Variants in INPP5F observed in about 807,000 individuals in gnomAD.
INPP5F encodes phosphatidylinositide 4-phosphatase SAC2.
In INPP5F, 97 loss-of-function variants were observed where a neutral mutation model predicts 137.2. That is an observed-to-expected ratio of 0.71 (90% CI 0.60 to 0.84). The LOEUF is 0.84. INPP5F is among the 40% of genes least tolerant of loss of function. The probability of loss-of-function intolerance (pLI) is 0.00; values close to 1 mark genes in which losing one functional copy is unlikely to be tolerated. For missense variants in INPP5F, 1,271 were observed against 1,371.9 expected, an observed-to-expected ratio of 0.93 and a Z score of 1.16; for synonymous variants, 504 against 476.9, an observed-to-expected ratio of 1.06 and a Z score of -0.74.
At chr10:119,743,883 TAAGC>T (rs770791382) in intron 1 of INPP5F, among the ~76,000 whole-genome samples, 28 of 152,304 alleles carry the variant, frequency 1.8e-4, no homozygotes, top group Admixed American at 3.3e-4. Context: ...TACGTCCTGA[TAAGC>T]AGAGCAGTTC....
intron 19 of INPP5F, chr10:119,826,011 A>AAAAGACACTAATTGTTAAATGTCCC (rs1851743897): frequency 5.0e-6 from 2 of 398,410 alleles, no homozygotes; most frequent in Non-Finnish European, 4.4e-6. Flanking sequence ...CAAATCTTTT[A>AAAAGACACTAATTGTTAAATGTCCC]AAATCAGGTA....
Position 119,823,920 on chromosome 10 carries a change from C to G in INPP5F, c.2249+18C>G. On this transcript the variant is annotated intron_variant, in intron 19 of 19. Coordinates refer to ENST00000650623, the MANE Select transcript of INPP5F (RefSeq NM_014937.4). ...CTTGAGAGGTGAGTATACTGCTTCTCTCAAGAATAAAGGCATTCTTATCCA... is the reference window on the plus strand; with the variant it reads ...CTTGAGAGGTGAGTATACTGCTTCTGTCAAGAATAAAGGCATTCTTATCCA... 1 of 1,571,796 alleles carries G rather than the reference C, an allele frequency of 6.4e-7. No individual in the cohort carries two copies.
chr10:119,811,752 C>T lies in INPP5F; in HGVS notation c.1688-5C>T, dbSNP rs1424209907. 3.1e-6 allele frequency: 5 copies of T among 1,608,140 alleles called. No individual in the cohort carries two copies. The highest frequency in any genetic ancestry group is 4.3e-6 in the Non-Finnish European group (5 of 1,175,804). Reference sequence around the variant, plus strand: ...TGATGATAGATATTAACAATTCCACCCTAGATTTGATGCAAGGCATTCCAG... The same window carrying T: ...TGATGATAGATATTAACAATTCCACTCTAGATTTGATGCAAGGCATTCCAG... On this transcript the variant is annotated splice_region_variant and splice_polypyrimidine_tract_variant and intron_variant, in intron 14 of 19. Coordinates refer to ENST00000650623, the MANE Select transcript of INPP5F (RefSeq NM_014937.4).
chr10:119,801,406 T>A (rs1564840345), intron 9 of INPP5F, among the ~76,000 whole-genome samples: 2 of 152,242 alleles, frequency 1.3e-5, no homozygotes, highest in African/African-American at 4.8e-5. Flanking sequence ...TGAATGGGGA[T>A]ACACCCAACT....
Position 119,823,943 on chromosome 10 carries a change from C to T in INPP5F, c.2249+41C>T, listed in dbSNP as rs189479187. ...CTCTCAAGAATAAAGGCATTCTTAT[C>T]CAAGGTCTTATTTGTTTAAAATTAT... On this transcript the variant is annotated intron_variant, in intron 19 of 19. Coordinates refer to ENST00000650623, the MANE Select transcript of INPP5F (RefSeq NM_014937.4). The T allele has an allele frequency of 4.2e-6, 6 of 1,424,228 alleles. No homozygotes were observed. In the African/African-American group the frequency reaches 8.4e-5, roughly 20 times the overall value. The allele number at this position is 1,424,228 out of a possible 1,614,324, so 88.2% of individuals were successfully genotyped here. A position where few individuals can be genotyped will look rare whatever the true frequency, so the allele number is the denominator to read the frequency against.
Position 119,798,620 on chromosome 10 carries a change from G to A in INPP5F, c.1116+10G>A. The A allele has an allele frequency of 2.5e-6, 4 of 1,589,978 alleles. No homozygotes were observed. Among genetic ancestry groups the A allele is most frequent in the Non-Finnish European group, 3.4e-6 (4 of 1,159,464 alleles). On this transcript the variant is annotated intron_variant, in intron 9 of 19. Coordinates refer to ENST00000650623, the MANE Select transcript of INPP5F (RefSeq NM_014937.4). ...CATTTACAAAAAACAGGTGGGCTTT[G>A]ATTTACAGTAGTAAAATGTTCCTTC...
At position 119,726,286 on chromosome 10, in the gene INPP5F, C is replaced by CCA; in HGVS notation, c.26_27dup (p.Tyr10ThrfsTer40). ...GCATGGAGCTCTTCCAAGCCAAGGA[C>CCA]CACTACATCCTGCAGCAGGGCGAGC... On this transcript the variant is annotated frameshift_variant, in exon 1 of 20. Transcript: ENST00000650623. LOFTEE classifies it high-confidence loss of function. The CCA allele has an allele frequency of 6.7e-7, 1 of 1,492,518 alleles. No homozygotes were observed. The highest frequency in any genetic ancestry group is 8.9e-7 in the Non-Finnish European group (1 of 1,120,798). The allele number at this position is 1,492,518 out of a possible 1,614,324, so 92.5% of individuals were successfully genotyped here.
At chr10:119,744,584 C>T (rs2134115332) in intron 1 of INPP5F, among the ~76,000 whole-genome samples, 1 of 152,202 alleles carries the variant, frequency 6.6e-6, no homozygotes, top group South Asian at 2.1e-4. Context: ...TGGAGTCTCG[C>T]TCTGTCCCCC....
intron 15 of INPP5F, chr10:119,814,366 GAC>G (rs1446950813): frequency 6.6e-6 from 1 of 152,148 alleles, no homozygotes; most frequent in Non-Finnish European, 1.5e-5. Context: ...CAACCTAGGT[GAC>G]AGAGTGAGGC....
At chr10:119,807,413 GT>G (rs1253516176) in intron 12 of INPP5F, among the ~76,000 whole-genome samples, 1 of 152,148 alleles carries the variant, frequency 6.6e-6, no homozygotes, top group Non-Finnish European at 1.5e-5. Context: ...CACATACAAG[GT>G]TTTGACTCTG....
At chr10:119,816,844 ACATATAATTCATATAC>A (rs1399182343) in intron 15 of INPP5F, among the ~76,000 whole-genome samples, 4 of 152,214 alleles carry the variant, frequency 2.6e-5, no homozygotes, top group Non-Finnish European at 4.4e-5. Context: ...TTTTATTGAG[ACATATAATTCATATAC>A]CATATAATTC....
At chr10:119,775,813 T>C (rs1282667811) in intron 2 of INPP5F, among the ~76,000 whole-genome samples, 3 of 152,280 alleles carry the variant, frequency 2.0e-5, no homozygotes, top group Non-Finnish European at 4.4e-5. Context: ...TTAAAAAAAA[T>C]CCTATCGGCC....
intron 1 of INPP5F, among the ~76,000 whole-genome samples, chr10:119,740,497 G>T (rs1380704134): frequency 1.3e-5 from 2 of 152,156 alleles, no homozygotes; most frequent in African/African-American, 4.8e-5. Context: ...CCTACCATGA[G>T]GTTTAATAAT....
intron 2 of INPP5F, among the ~76,000 whole-genome samples, chr10:119,758,534 C>T (rs1045176127): frequency 6.6e-6 from 1 of 152,144 alleles, no homozygotes. Flanking sequence ...CACAAAAGCT[C>T]TTCAAGTTAA....
chr10:119,790,210 C>T (rs1589717396), intron 3 of INPP5F, among the ~76,000 whole-genome samples: 1 of 151,922 alleles, frequency 6.6e-6, no homozygotes, highest in African/African-American at 2.4e-5. Context: ...TGTGTGCTGA[C>T]GGAAACGATC....
rs1365120993 is a variant in INPP5F at position 119,827,450 on chromosome 10, A to C, written c.3069A>C (p.Pro1023=). 2 of 1,614,092 alleles carry C rather than the reference A, an allele frequency of 1.2e-6. No homozygotes were observed. The highest frequency in any genetic ancestry group is 1.7e-6 in the Non-Finnish European group (2 of 1,180,042). ...QLDVSLSATG[P]QFLSVEPAHS... is the part of the protein sequence containing the mutation. ...ATGTCTCTCTTTCTGCAACAGGCCC[A>C]CAGTTTTTGTCAGTTGAGCCAGCGC... Residue 1023 remains proline, a synonymous_variant, in exon 20 of 20, where the codon CCA becomes CCC. Coordinates refer to ENST00000650623, the MANE Select transcript of INPP5F (RefSeq NM_014937.4).
At chr10:119,797,089 AAGAG>A (rs1219315948) in intron 7 of INPP5F, among the ~76,000 whole-genome samples, 176 bp downstream of exon 7, 2 of 152,154 alleles carry the variant, frequency 1.3e-5, no homozygotes, top group Non-Finnish European at 2.9e-5. Context: ...AGGGGTGAAT[AAGAG>A]AGAGTTAGCA....
At chr10:119,734,927 T>A (rs1466710304) in intron 1 of INPP5F, among the ~76,000 whole-genome samples, 1 of 152,228 alleles carries the variant, frequency 6.6e-6, no homozygotes, top group African/African-American at 2.4e-5. Flanking sequence ...CAGCTGCCCA[T>A]AATTGAGCTG....
intron 3 of INPP5F, among the ~76,000 whole-genome samples, chr10:119,781,989 G>T (rs1480871616): frequency 6.6e-6 from 1 of 152,140 alleles, no homozygotes; most frequent in Admixed American, 6.5e-5. Context: ...TGCTGTGGTC[G>T]CAGTAGTGTT....
Sources: allele counts gnomAD v4.1 joint callset (sites outside exome capture counted in the v4.1 genomes callset), GRCh38; gene constraint gnomAD v4.1.1; transcripts MANE v1.5; gene names NCBI Gene and HGNC (gene_info 2026-07-23, HGNC 2026-07-21).